Variants in ZDHHC2 observed in about 807,000 individuals in gnomAD.
ZDHHC2 encodes zDHHC palmitoyltransferase 2.
A neutral mutation model predicts 55.6 loss-of-function variants in ZDHHC2; 51 were observed. That is an observed-to-expected ratio of 0.92 (90% CI 0.73 to 1.16). The LOEUF is 1.16. Ranked by LOEUF, ZDHHC2 falls within the 50% of genes most tolerant of loss-of-function variation. The pLI is 0.00. For synonymous variants in ZDHHC2, 199 were observed against 152.9 expected, an observed-to-expected ratio of 1.30 and a Z score of -2.22; for missense variants, 491 against 442.4, an observed-to-expected ratio of 1.11 and a Z score of -0.99.
intron 3 of ZDHHC2, among the ~76,000 whole-genome samples, chr8:17,191,278 A>G (rs1585692602): frequency 6.6e-6 from 1 of 151,676 alleles, no homozygotes; most frequent in African/African-American, 2.4e-5. Flanking sequence ...TGTATTTTTA[A>G]TAGAGATGGG....
At chr8:17,207,863 T>G in intron 7 of ZDHHC2, 97 bp from the exon 8 acceptor site, 2 of 1,070,164 alleles carry the variant, frequency 1.9e-6, no homozygotes, top group South Asian at 8.6e-5. Context: ...TTAAGAAAAA[T>G]TTTAAGCAAA....
chr8:17,172,207 G>T (rs1225222819), intron 1 of ZDHHC2, among the ~76,000 whole-genome samples: 1 of 152,176 alleles, frequency 6.6e-6, no homozygotes, highest in African/African-American at 2.4e-5. Context: ...ACTAGACCCT[G>T]CCTCCCCTTT....
At chr8:17,190,913 CG>C (rs1213809813) in intron 3 of ZDHHC2, among the ~76,000 whole-genome samples, 3 of 149,656 alleles carry the variant, frequency 2.0e-5, no homozygotes, top group Admixed American at 6.7e-5. Context: ...TGATTGTAGC[CG>C]CCCTATTGTG....
At chr8:17,166,140 G>A (rs746225833) in intron 1 of ZDHHC2, among the ~76,000 whole-genome samples, 14 of 152,176 alleles carry the variant, frequency 9.2e-5, no homozygotes, top group South Asian at 2.1e-4. Context: ...GATGCACTGC[G>A]ACTTAGATTT....
At position 17,156,633 on chromosome 8, in the gene ZDHHC2, C is replaced by A. The variant is rs1024762961; in HGVS notation, c.-91C>A. On this transcript the variant is annotated 5_prime_UTR_variant, in exon 1 of 13. Coordinates refer to ENST00000262096, the MANE Select transcript of ZDHHC2 (RefSeq NM_016353.5). ...CGCACCCCGCCGCCGCCCAGGAGCC[C>A]GTCCAGCCAGGGGTGCCGGGCCCGC... The A allele has an allele frequency of 9.7e-7, 1 of 1,032,608 alleles. No homozygotes were observed. The highest frequency in any genetic ancestry group is 6.3e-5 in the East Asian group (1 of 15,756). The allele number at this position is 1,032,608 out of a possible 1,614,324, so 64.0% of individuals were successfully genotyped here.
chr8:17,222,430 T>C lies in ZDHHC2; in HGVS notation c.*2209T>C, dbSNP rs1255596740. The C allele has an allele frequency of 6.6e-6, 1 of 151,846 alleles. No homozygotes were observed. The highest frequency in any genetic ancestry group is 1.5e-5 in the Non-Finnish European group (1 of 67,792). 9.4% of individuals were successfully genotyped at this position (151,846 alleles called of 1,614,324 possible). On this transcript the variant is annotated 3_prime_UTR_variant, in exon 13 of 13. Transcript: ENST00000262096. ...CTTTAAGTATTTACTTTAAAAAATT[T>C]AATGGCTTAACTCGAACTTGAAGAC...
chr8:17,193,374 C>T (rs1221085300), intron 3 of ZDHHC2, among the ~76,000 whole-genome samples: 1 of 152,220 alleles, frequency 6.6e-6, no homozygotes, highest in Non-Finnish European at 1.5e-5. Context: ...GCCTTATATT[C>T]TTCTAAACAA....
At chr8:17,171,965 TA>T (rs1804876986) in intron 1 of ZDHHC2, among the ~76,000 whole-genome samples, 1 of 151,794 alleles carries the variant, frequency 6.6e-6, no homozygotes, top group Non-Finnish European at 1.5e-5. Context: ...CTCAAGGACT[TA>T]ACTTGTGCAA....
intron 1 of ZDHHC2, among the ~76,000 whole-genome samples, chr8:17,176,423 G>C (rs1208734539): frequency 6.6e-6 from 1 of 152,124 alleles, no homozygotes; most frequent in East Asian, 1.9e-4. Context: ...TTTGTTGTTA[G>C]AATGACTTTT....
chr8:17,180,907 T>C (rs1244894600), intron 1 of ZDHHC2, among the ~76,000 whole-genome samples: 1 of 152,240 alleles, frequency 6.6e-6, no homozygotes, highest in African/African-American at 2.4e-5. Flanking sequence ...TGTGAACTTA[T>C]AGACCCTGTC....
At chr8:17,201,285 T>C (rs374723842) in intron 6 of ZDHHC2, among the ~76,000 whole-genome samples, 55 of 152,154 alleles carry the variant, frequency 3.6e-4, no homozygotes, top group African/African-American at 1.3e-3. Context: ...TTATTTTTAG[T>C]ACAAGTGACT....
chr8:17,199,574 GTCTTCT>G (rs371326655), intron 6 of ZDHHC2, among the ~76,000 whole-genome samples: 785 of 37,054 alleles, frequency 0.021, 43 homozygotes, highest in Admixed American at 0.079. Context: ...CTTCGTCTTT[GTCTTCT>G]TCTTCTTCTT....
At chr8:17,184,551 G>A (rs1805609476) in intron 1 of ZDHHC2, among the ~76,000 whole-genome samples, 1 of 152,210 alleles carries the variant, frequency 6.6e-6, no homozygotes, top group East Asian at 1.9e-4. Flanking sequence ...TTGTTCCGCA[G>A]GACAGGAGCC....
At position 17,198,497 on chromosome 8, in the gene ZDHHC2, C is replaced by A. The variant is rs922853922; in HGVS notation, c.476+84C>A. ...TCACTTATCCATGTAAATCTTTTCA[C>A]ACATGAAATATTACTTGAGTTGACA... On this transcript the variant is annotated intron_variant, in intron 6 of 12. Transcript: ENST00000262096. 31 of 1,277,934 alleles carry A rather than the reference C, an allele frequency of 2.4e-5. 1 individual carries two copies. The African/African-American group carries it at 4.6e-4, about 19-fold the overall frequency. The allele number at this position is 1,277,934 out of a possible 1,614,324, so 79.2% of individuals were successfully genotyped here. A position where few individuals can be genotyped will look rare whatever the true frequency, so the allele number is the denominator to read the frequency against.
chr8:17,201,537 G>T (rs1162431725), intron 6 of ZDHHC2, among the ~76,000 whole-genome samples: 3 of 126,180 alleles, frequency 2.4e-5, no homozygotes, highest in Non-Finnish European at 3.2e-5. Flanking sequence ...CTGTAACCTG[G>T]GCTAGAGTGT....
At chr8:17,165,876 A>G (rs189915563) in intron 1 of ZDHHC2, among the ~76,000 whole-genome samples, 5 of 152,338 alleles carry the variant, frequency 3.3e-5, no homozygotes, top group African/African-American at 1.2e-4. Flanking sequence ...GGTATTGTGG[A>G]GAAATATATC....
intron 6 of ZDHHC2, among the ~76,000 whole-genome samples, chr8:17,203,449 G>T (rs530771639): frequency 1.3e-5 from 2 of 152,116 alleles, no homozygotes; most frequent in Admixed American, 6.6e-5. Context: ...TGCCAGGCTG[G>T]TCTTGAACTG....
intron 1 of ZDHHC2, among the ~76,000 whole-genome samples, chr8:17,167,058 T>C (rs1278810784): frequency 6.6e-6 from 1 of 152,232 alleles, no homozygotes; most frequent in East Asian, 1.9e-4. Context: ...GTCTGGTTTA[T>C]GCACTCTTAT....
At chr8:17,212,157 C>T (rs1390657198) in intron 10 of ZDHHC2, among the ~76,000 whole-genome samples, 2 of 152,108 alleles carry the variant, frequency 1.3e-5, no homozygotes, top group African/African-American at 4.8e-5. Flanking sequence ...ATTTAGACAG[C>T]TAAAGTCTCT....
Sources: allele counts gnomAD v4.1 joint callset (sites outside exome capture counted in the v4.1 genomes callset), GRCh38; gene constraint gnomAD v4.1.1; transcripts MANE v1.5; gene names NCBI Gene and HGNC (gene_info 2026-07-23, HGNC 2026-07-21).